The following DENND1A variants were observed in gnomAD, a reference collection of about 807,000 sequenced individuals.
The protein encoded by DENND1A is DENN domain-containing protein 1A.
A neutral mutation model predicts 113.7 loss-of-function variants in DENND1A; 51 were observed. That is an observed-to-expected ratio of 0.45 (90% CI 0.36 to 0.57). DENND1A has a LOEUF of 0.57. Ranked by LOEUF, DENND1A falls within the 20% of genes least tolerant of loss-of-function variation. The pLI is 0.00. For missense variants in DENND1A, 1,258 were observed against 1,395.9 expected (o/e 0.90, Z 1.57); for synonymous variants, 565 against 570.8 (o/e 0.99, Z 0.14).
At chr9:123,526,382 T>C (rs1325156480) in intron 13 of DENND1A, among the ~76,000 whole-genome samples, 1 of 152,174 alleles carries the variant, frequency 6.6e-6, no homozygotes, top group Non-Finnish European at 1.5e-5. Flanking sequence ...TCCTACCGAA[T>C]ACGCTTATCT....
intron 19 of DENND1A, among the ~76,000 whole-genome samples, chr9:123,431,923 C>A (rs2046161316): frequency 6.6e-6 from 1 of 152,202 alleles, no homozygotes; most frequent in Non-Finnish European, 1.5e-5. Context: ...TAAGCTTGGT[C>A]CCTAGCCCTT....
intron 12 of DENND1A, among the ~76,000 whole-genome samples, chr9:123,582,888 AG>A (rs1246407244): frequency 5.3e-5 from 8 of 150,940 alleles, no homozygotes; most frequent in Non-Finnish European, 1.0e-4. Flanking sequence ...TAGTAGAAAC[AG>A]GGTTTCACCA....
chr9:123,419,603 C>T (rs887767589), intron 19 of DENND1A, among the ~76,000 whole-genome samples: 1 of 152,228 alleles, frequency 6.6e-6, no homozygotes, highest in African/African-American at 2.4e-5. Flanking sequence ...GAAGACAAAG[C>T]CTTCTGTAGT....
At chr9:123,861,734 A>C (rs1304698269) in intron 2 of DENND1A, among the ~76,000 whole-genome samples, 3 of 152,200 alleles carry the variant, frequency 2.0e-5, no homozygotes, top group Non-Finnish European at 4.4e-5. Flanking sequence ...GAAGATGTCA[A>C]GCTCCTTTAA....
At chr9:123,872,026 C>T (rs1331295456) in intron 2 of DENND1A, among the ~76,000 whole-genome samples, 1 of 152,222 alleles carries the variant, frequency 6.6e-6, no homozygotes, top group Non-Finnish European at 1.5e-5. Flanking sequence ...AGAGCACCCT[C>T]TTCCGAGACC....
intron 2 of DENND1A, among the ~76,000 whole-genome samples, chr9:123,849,148 T>A (rs1843001519): frequency 6.6e-6 from 1 of 152,204 alleles, no homozygotes; most frequent in African/African-American, 2.4e-5. Context: ...CCACCTTATA[T>A]TAGAAGAAAA....
intron 2 of DENND1A, among the ~76,000 whole-genome samples, chr9:123,810,697 G>T (rs1164126073): frequency 1.3e-5 from 2 of 151,694 alleles, no homozygotes; most frequent in Non-Finnish European, 2.9e-5. Context: ...CAGGCCATGG[G>T]TTGGACAAAC....
intron 13 of DENND1A, among the ~76,000 whole-genome samples, chr9:123,541,243 T>C (rs976616360): frequency 1.3e-5 from 2 of 152,218 alleles, no homozygotes; most frequent in Admixed American, 6.5e-5. Context: ...TTATGTTTCT[T>C]ATTTAGCAAG....
Position 123,382,194 on chromosome 9 carries a change from A to C in DENND1A, c.2451T>G (p.Val817=), listed in dbSNP as rs2130846822. 1 of 1,609,708 alleles carries C rather than the reference A, an allele frequency of 6.2e-7. No individual in the cohort carries two copies. Among genetic ancestry groups the C allele is most frequent in the East Asian group, 2.2e-5 (1 of 44,818 alleles). Residue 817 remains valine (V), a synonymous_variant, in exon 24 of 24, where the codon GTT becomes GTG. Coordinates refer to ENST00000394215, the MANE Select transcript of DENND1A (RefSeq NM_001352964.2). ...AALSPGLLPG[V]VPQGPTELLQ... is the part of the protein sequence containing the mutation. ...GCAGTTCAGTGGGGCCTTGGGGGAC[A>C]ACACCAGGCAGGAGCCCTGGACTCA...
At chr9:123,477,890 C>T (rs1180686912) in intron 13 of DENND1A, among the ~76,000 whole-genome samples, 2 of 152,112 alleles carry the variant, frequency 1.3e-5, no homozygotes, top group South Asian at 4.1e-4. Flanking sequence ...CAAGGGTGCT[C>T]AATGGTATTT....
chr9:123,884,997 GCACA>G (rs57555620), intron 1 of DENND1A, among the ~76,000 whole-genome samples: 25,746 of 145,738 alleles, frequency 0.18, 2,465 homozygotes, highest in African/African-American at 0.28. Flanking sequence ...GAGCGCGCGC[GCACA>G]CACACACACA....
intron 19 of DENND1A, among the ~76,000 whole-genome samples, chr9:123,436,741 G>A (rs956159022): frequency 6.6e-6 from 1 of 151,942 alleles, no homozygotes; most frequent in Admixed American, 6.6e-5. Context: ...TCAGTTTGTT[G>A]ACAAAATATC....
In DENND1A at chr9:123,583,283, A is replaced by G; in HGVS notation, c.766-13T>C. On this transcript the variant is annotated splice_polypyrimidine_tract_variant and intron_variant, in intron 11 of 23. Coordinates refer to ENST00000394215, the MANE Select transcript of DENND1A (RefSeq NM_001352964.2). ...TGTTTCTGACTTTCTGCAAGGAGAA[A>G]AAAATCCACAAGAGAAGGTCATTGA... 1 of 1,604,914 alleles carries G rather than the reference A, an allele frequency of 6.2e-7. No homozygotes were observed. The highest frequency in any genetic ancestry group is 8.5e-7 in the Non-Finnish European group (1 of 1,173,450).
rs182588519 is a variant in DENND1A, at chr9:123,787,838, T to C, written c.132+4749A>G. The stretch of plus-strand genomic sequence containing the variant: ...GTTTCTACATTGCTTATAGAGCTTG[T>C]ACAAGAAACACTGTTAGTTTCTATA... On this transcript the variant is annotated intron_variant, in intron 3 of 23. Coordinates refer to ENST00000394215, the MANE Select transcript of DENND1A (RefSeq NM_001352964.2). 2.8e-3 allele frequency among the ~76,000 whole-genome samples: 425 copies of C among 152,300 alleles called. 2 individuals are homozygous for C. The highest frequency in any genetic ancestry group is 8.4e-3 in the Admixed American group (128 of 15,282).
intron 13 of DENND1A, among the ~76,000 whole-genome samples, chr9:123,470,753 G>A (rs989976669): frequency 2.0e-5 from 3 of 152,176 alleles, no homozygotes; most frequent in Non-Finnish European, 2.9e-5. Context: ...CCCACCCATC[G>A]CTTGGTGACA....
intron 1 of DENND1A, among the ~76,000 whole-genome samples, chr9:123,903,591 G>T (rs572363887): frequency 1.3e-5 from 2 of 152,120 alleles, no homozygotes; most frequent in African/African-American, 2.4e-5. Context: ...TTCCCTTTCC[G>T]AGTCAAAGAA....
At chr9:123,863,783 C>G (rs867199596) in intron 2 of DENND1A, among the ~76,000 whole-genome samples, 1 of 152,198 alleles carries the variant, frequency 6.6e-6, no homozygotes, top group Non-Finnish European at 1.5e-5. Context: ...TTTCACCACA[C>G]ATATATTTTT....
At chr9:123,600,496 G>A (rs574958704) in intron 11 of DENND1A, among the ~76,000 whole-genome samples, 1 of 152,182 alleles carries the variant, frequency 6.6e-6, no homozygotes, top group South Asian at 2.1e-4. Flanking sequence ...CACGGCCAAA[G>A]TGGCATGCAC....
chr9:123,485,517 C>T (rs1209579370), intron 13 of DENND1A: 1 of 152,036 alleles, frequency 6.6e-6, no homozygotes, highest in Non-Finnish European at 1.5e-5. Flanking sequence ...AGATCAGGTT[C>T]GGGGCTGCGA....
Sources: allele counts gnomAD v4.1 joint callset (sites outside exome capture counted in the v4.1 genomes callset), GRCh38; gene constraint gnomAD v4.1.1; transcripts MANE v1.5; gene names NCBI Gene and HGNC (gene_info 2026-07-23, HGNC 2026-07-21).